The following STXBP5L variants were observed in gnomAD, a reference collection of about 807,000 sequenced individuals.
STXBP5L encodes syntaxin binding protein 5L.
Under a neutral mutation model 144.5 loss-of-function variants are expected in STXBP5L, and 65 were observed. The ratio of observed to expected loss-of-function variants is 0.45; its 90% CI spans 0.37 to 0.55. STXBP5L has a LOEUF of 0.55. STXBP5L is among the 20% of genes least tolerant of loss of function. The probability of loss-of-function intolerance (pLI) is 0.00; values close to 1 mark genes in which losing one functional copy is unlikely to be tolerated. For synonymous variants in STXBP5L, 505 were observed against 469.6 expected, an observed-to-expected ratio of 1.08 and a Z score of -0.97; for missense variants, 1,298 against 1,405.5, an observed-to-expected ratio of 0.92 and a Z score of 1.22.
intron 3 of STXBP5L, among the ~76,000 whole-genome samples, chr3:120,965,859 C>T (rs1224027500): frequency 6.6e-6 from 1 of 152,162 alleles, no homozygotes; most frequent in East Asian, 1.9e-4. Context: ...TGGATAATAA[C>T]CTGAAGAGTG....
At chr3:121,119,595 T>C (rs879547964) in intron 6 of STXBP5L, among the ~76,000 whole-genome samples, 3 of 151,454 alleles carry the variant, frequency 2.0e-5, no homozygotes, top group Non-Finnish European at 4.4e-5. Flanking sequence ...TAATTCTATC[T>C]AAAGAATTTT....
intron 3 of STXBP5L, among the ~76,000 whole-genome samples, chr3:121,005,658 G>A (rs1576636366): frequency 6.6e-6 from 1 of 152,032 alleles, no homozygotes; most frequent in East Asian, 1.9e-4. Context: ...TGTCAATTTT[G>A]GATCTTTCCT....
At chr3:120,950,210 G>A (rs1711121129) in intron 2 of STXBP5L, among the ~76,000 whole-genome samples, 1 of 151,942 alleles carries the variant, frequency 6.6e-6, no homozygotes, top group African/African-American at 2.4e-5. Context: ...TTATAAGTAA[G>A]GGATTTAACT....
intron 3 of STXBP5L, among the ~76,000 whole-genome samples, chr3:121,021,011 T>C (rs1307413647): frequency 6.6e-6 from 1 of 152,122 alleles, no homozygotes; most frequent in African/African-American, 2.4e-5. Flanking sequence ...AAGTATCTGC[T>C]GTCTTTGAGA....
chr3:121,114,477 G>A (rs932310817), intron 5 of STXBP5L, among the ~76,000 whole-genome samples: 1 of 152,064 alleles, frequency 6.6e-6, no homozygotes, highest in African/African-American at 2.4e-5. Context: ...AATATAATAT[G>A]AAATTCATGT....
chr3:121,163,566 A>G (rs1202600706), intron 9 of STXBP5L, among the ~76,000 whole-genome samples: 1 of 152,136 alleles, frequency 6.6e-6, no homozygotes, highest in African/African-American at 2.4e-5. Context: ...TTCTGCACAT[A>G]CATCCCAGAG....
intron 20 of STXBP5L, among the ~76,000 whole-genome samples, chr3:121,325,167 G>T (rs1010914082): frequency 2.0e-5 from 3 of 151,950 alleles, no homozygotes; most frequent in African/African-American, 7.2e-5. Flanking sequence ...AACACAGGTT[G>T]CACAGCCTCC....
At chr3:121,043,332 G>A (rs1236323047) in intron 4 of STXBP5L, among the ~76,000 whole-genome samples, 1 of 152,062 alleles carries the variant, frequency 6.6e-6, no homozygotes, top group African/African-American at 2.4e-5. Context: ...TTACTTTCAT[G>A]TGTCTGTCTC....
chr3:121,026,472 C>CT (rs1277833756), intron 3 of STXBP5L, among the ~76,000 whole-genome samples: 4 of 152,002 alleles, frequency 2.6e-5, no homozygotes, highest in African/African-American at 4.8e-5. Context: ...TGCTTCCCTT[C>CT]AAGTAAAATA....
chr3:121,051,658 A>G (rs1948006257), intron 5 of STXBP5L, among the ~76,000 whole-genome samples: 1 of 152,196 alleles, frequency 6.6e-6, no homozygotes. Flanking sequence ...TTCACACCCT[A>G]ACATCAAAAT....
At chr3:121,294,913 T>G (rs2051588852) in intron 19 of STXBP5L, among the ~76,000 whole-genome samples, 1 of 152,138 alleles carries the variant, frequency 6.6e-6, no homozygotes, top group South Asian at 2.1e-4. Flanking sequence ...TGAAAGTTGT[T>G]AGTGACCCTT....
intron 2 of STXBP5L, among the ~76,000 whole-genome samples, chr3:120,935,071 T>G (rs995306837): frequency 3.3e-5 from 5 of 150,858 alleles, no homozygotes; most frequent in African/African-American, 9.7e-5. Context: ...TTCTTTCTGG[T>G]TTTTTTTTGG....
intron 3 of STXBP5L, among the ~76,000 whole-genome samples, chr3:121,001,785 AG>A (rs565088631): frequency 1.3e-3 from 198 of 152,224 alleles, no homozygotes; most frequent in Non-Finnish European, 2.4e-3. Context: ...TCACTCTCAA[AG>A]CCTTCCTTCT....
intron 5 of STXBP5L, among the ~76,000 whole-genome samples, chr3:121,081,768 G>T (rs1285357199): frequency 1.3e-5 from 2 of 152,186 alleles, no homozygotes; most frequent in East Asian, 3.9e-4. Flanking sequence ...CAGAGGCCCA[G>T]TATTTATTAA....
At chr3:121,413,933 T>C (rs2047176789) in intron 24 of STXBP5L, among the ~76,000 whole-genome samples, 1 of 152,306 alleles carries the variant, frequency 6.6e-6, no homozygotes, top group Non-Finnish European at 1.5e-5. Context: ...GTTAAGAGCA[T>C]AAGCTCTGAA....
intron 22 of STXBP5L, among the ~76,000 whole-genome samples, chr3:121,382,112 T>A (rs537636731): frequency 1.9e-3 from 292 of 150,488 alleles, no homozygotes; most frequent in Non-Finnish European, 3.2e-3. Context: ...TCTTTTTTTT[T>A]TGAAGAAGAG....
At chr3:121,311,167 A>G (rs1205992399) in intron 19 of STXBP5L, among the ~76,000 whole-genome samples, 1 of 152,218 alleles carries the variant, frequency 6.6e-6, no homozygotes, top group East Asian at 1.9e-4. Context: ...TAAAATCATA[A>G]TAAGATACTA....
At chr3:121,355,261 G>A (rs1456365843) in intron 20 of STXBP5L, among the ~76,000 whole-genome samples, 1 of 152,130 alleles carries the variant, frequency 6.6e-6, no homozygotes, top group Non-Finnish European at 1.5e-5. Flanking sequence ...AAGTTCTCCT[G>A]GATAATATCC....
intron 3 of STXBP5L, among the ~76,000 whole-genome samples, chr3:120,973,975 T>C (rs1300592871): frequency 6.6e-6 from 1 of 152,212 alleles, no homozygotes; most frequent in African/African-American, 2.4e-5. Context: ...AAGTCTTTGC[T>C]ATTATGAATA....
Sources: allele counts gnomAD v4.1 joint callset (sites outside exome capture counted in the v4.1 genomes callset), GRCh38; gene constraint gnomAD v4.1.1; transcripts MANE v1.5; gene names NCBI Gene and HGNC (gene_info 2026-07-23, HGNC 2026-07-21).